ACAD11: variants seen among roughly 807,000 people sequenced by gnomAD.
The protein encoded by ACAD11 is acyl-CoA dehydrogenase family member 11.
In ACAD11, 83 loss-of-function variants were observed where a neutral mutation model predicts 102.2. The ratio of observed to expected loss-of-function variants is 0.81; its 90% CI spans 0.68 to 0.97. The LOEUF (loss-of-function observed/expected upper bound fraction) is 0.97. Among genes scored for constraint, ACAD11 ranks in the 50% least tolerant of loss-of-function variants. ACAD11 has a pLI of 0.00. For missense variants in ACAD11, 901 were observed against 951.7 expected (o/e 0.95, Z 0.70); for synonymous variants, 324 against 319.8 (o/e 1.01, Z -0.14).
intron 13 of ACAD11, among the ~76,000 whole-genome samples, chr3:132,597,666 A>G (rs2107815706): frequency 6.6e-6 from 1 of 152,088 alleles, no homozygotes; most frequent in East Asian, 1.9e-4. Flanking sequence ...AAGCGTGTCT[A>G]TATATCTGCC....
At chr3:132,659,562 A>G (rs754872249) in intron 1 of ACAD11, 41 bp downstream of exon 1, 2 of 1,608,044 alleles carry the variant, frequency 1.2e-6, no homozygotes, top group South Asian at 2.2e-5. Context: ...AACTCAATGT[A>G]CAAATTTTTT....
At position 132,605,198 on chromosome 3, in the gene ACAD11, C is replaced by T. The variant is rs1307599100; in HGVS notation, c.1422G>A (p.Gly474=). The T allele has an allele frequency of 3.7e-6, 6 of 1,610,662 alleles. No individual in the cohort carries two copies. Among genetic ancestry groups the T allele is most frequent in the Non-Finnish European group, 5.1e-6 (6 of 1,177,568 alleles). The change falls in exon 12 of 20, where the codon GGG becomes GGA. Residue 474 remains glycine, a synonymous_variant. Transcript: ENST00000264990. ...DVFNCQAPDT[G]NMEVLHLYGS... is the part of the protein sequence containing the mutation. ...CATACAGGTGCAGAACCTCCATATT[C>T]CCTGTGTCTACACATAAAGAAGGAG...
intron 5 of ACAD11, among the ~76,000 whole-genome samples, chr3:132,637,145 T>C (rs1940304921): frequency 6.6e-6 from 1 of 152,066 alleles, no homozygotes; most frequent in African/African-American, 2.4e-5. Flanking sequence ...AGTCAAGGGG[T>C]GATGGACATC....
At chr3:132,647,831 G>T (rs1940771958) in intron 1 of ACAD11, among the ~76,000 whole-genome samples, 1 of 152,084 alleles carries the variant, frequency 6.6e-6, no homozygotes, top group African/African-American at 2.4e-5. Context: ...TTTGGGGCCT[G>T]GGAAGTCAAA....
intron 5 of ACAD11, 93 bp downstream of exon 5, chr3:132,639,399 T>G: frequency 7.9e-7 from 1 of 1,259,342 alleles, no homozygotes; most frequent in Non-Finnish European, 1.1e-6. Flanking sequence ...AGGGAGTGGG[T>G]TGGGCTCCCT....
At chr3:132,622,730 T>C (rs1401871108) in intron 9 of ACAD11, among the ~76,000 whole-genome samples, 1 of 152,206 alleles carries the variant, frequency 6.6e-6, no homozygotes, top group Non-Finnish European at 1.5e-5. Flanking sequence ...GCAGAAACTA[T>C]GCTTGGTGCC....
intron 5 of ACAD11, among the ~76,000 whole-genome samples, chr3:132,638,996 T>C (rs956844383): frequency 1.3e-5 from 2 of 152,194 alleles, no homozygotes; most frequent in African/African-American, 4.8e-5. Context: ...AAGAATACAG[T>C]ATGCACATTT....
At chr3:132,573,953 G>A (rs1322805950) in intron 17 of ACAD11, among the ~76,000 whole-genome samples, 3 of 152,154 alleles carry the variant, frequency 2.0e-5, no homozygotes, top group Non-Finnish European at 2.9e-5. Flanking sequence ...CCAGATTTTT[G>A]CTTATGACAT....
intron 13 of ACAD11, among the ~76,000 whole-genome samples, chr3:132,584,086 A>T (rs1328805831): frequency 6.6e-6 from 1 of 152,222 alleles, no homozygotes. Flanking sequence ...CGCTTGGTGC[A>T]GAACTGAGTT....
chr3:132,609,209 C>T (rs535047138), intron 11 of ACAD11, among the ~76,000 whole-genome samples: 6 of 152,148 alleles, frequency 3.9e-5, no homozygotes, highest in Middle Eastern at 3.4e-3. Context: ...AAAATTGACA[C>T]GCTAACATCA....
intron 13 of ACAD11, among the ~76,000 whole-genome samples, chr3:132,598,991 G>A (rs926955132): frequency 1.3e-5 from 2 of 151,984 alleles, no homozygotes; most frequent in Non-Finnish European, 2.9e-5. Context: ...AGGTATTGAG[G>A]AGGAGTAACA....
At chr3:132,620,750 A>G (rs1939576246) in intron 9 of ACAD11, among the ~76,000 whole-genome samples, 1 of 152,256 alleles carries the variant, frequency 6.6e-6, no homozygotes, top group African/African-American at 2.4e-5. Context: ...TAAAAACTCT[A>G]TGGCAGTGAT....
intron 11 of ACAD11, among the ~76,000 whole-genome samples, chr3:132,616,914 A>G (rs992500180): frequency 6.6e-6 from 1 of 152,250 alleles, no homozygotes; most frequent in Non-Finnish European, 1.5e-5. Context: ...TTCAACCATT[A>G]TCAGAAATCT....
chr3:132,561,061 G>T, intron 18 of ACAD11, 40 bp downstream of exon 18: 1 of 1,472,530 alleles, frequency 6.8e-7, no homozygotes, highest in Non-Finnish European at 9.5e-7. Context: ...ACTGGAGAAG[G>T]CTCAGCAGTT....
chr3:132,596,809 T>C (rs960179394), intron 13 of ACAD11, among the ~76,000 whole-genome samples: 2 of 152,206 alleles, frequency 1.3e-5, no homozygotes, highest in Admixed American at 1.3e-4. Flanking sequence ...TGATGTGGCA[T>C]AAAAATGTTA....
intron 11 of ACAD11, among the ~76,000 whole-genome samples, chr3:132,613,753 G>A (rs1240173656): frequency 6.6e-6 from 1 of 151,984 alleles, no homozygotes; most frequent in Non-Finnish European, 1.5e-5. Flanking sequence ...ACAAAAATTA[G>A]TCGGGCATGG....
At chr3:132,618,805 T>C in intron 10 of ACAD11, 33 bp from the exon 11 acceptor site, 1 of 1,504,452 alleles carries the variant, frequency 6.6e-7, no homozygotes, top group Non-Finnish European at 8.8e-7. Flanking sequence ...AGAGTGACCA[T>C]AATTTACCAG....
At chr3:132,630,649 G>T (rs1213380726) in intron 6 of ACAD11, 91 bp from the exon 7 acceptor site, 9 of 1,151,718 alleles carry the variant, frequency 7.8e-6, no homozygotes, top group Non-Finnish European at 2.4e-6. Flanking sequence ...ATGTAAAACG[G>T]AATGTAATAA....
intron 17 of ACAD11, among the ~76,000 whole-genome samples, chr3:132,566,381 G>T (rs1937213714): frequency 6.6e-6 from 1 of 151,122 alleles, no homozygotes; most frequent in Non-Finnish European, 1.5e-5. Flanking sequence ...CCAGATTCCA[G>T]GAAGAAGAGA....
Sources: allele counts gnomAD v4.1 joint callset (sites outside exome capture counted in the v4.1 genomes callset), GRCh38; gene constraint gnomAD v4.1.1; transcripts MANE v1.5; gene names NCBI Gene and HGNC (gene_info 2026-07-23, HGNC 2026-07-21).